LRRC7: variants seen among roughly 807,000 people sequenced by gnomAD.
LRRC7 encodes the protein leucine rich repeat containing 7.
LRRC7 carries 23 observed loss-of-function variants against 175.7 expected under a neutral mutation model. That is an observed-to-expected ratio of 0.13 (90% CI 0.09 to 0.19). The LOEUF (loss-of-function observed/expected upper bound fraction) is 0.19. Ranked by LOEUF, LRRC7 falls within the 10% of genes least tolerant of loss-of-function variation. LRRC7 has a pLI of 1.00. For missense variants in LRRC7, 1,354 were observed against 1,904.7 expected (o/e 0.71, Z 5.38); for synonymous variants, 685 against 680.9 (o/e 1.01, Z -0.09).
intron 1 of LRRC7, among the ~76,000 whole-genome samples, chr1:69,631,516 C>G (rs1224559272): frequency 6.6e-6 from 1 of 151,928 alleles, no homozygotes; most frequent in Non-Finnish European, 1.5e-5. Flanking sequence ...GGGTGATGTT[C>G]TAGTTTTGTT....
At chr1:69,782,770 A>G (rs974664303) in intron 3 of LRRC7, among the ~76,000 whole-genome samples, 4 of 152,218 alleles carry the variant, frequency 2.6e-5, no homozygotes, top group African/African-American at 9.6e-5. Context: ...TAGAAGGAAC[A>G]TGCCATCACT....
At chr1:69,833,023 G>A (rs777913811) in intron 5 of LRRC7, among the ~76,000 whole-genome samples, 4 of 150,242 alleles carry the variant, frequency 2.7e-5, no homozygotes, top group Non-Finnish European at 4.4e-5. Flanking sequence ...GAGAATCACT[G>A]TAACCTGGGA....
At chr1:69,940,852 C>T (rs544263914) in intron 8 of LRRC7, among the ~76,000 whole-genome samples, 7 of 151,882 alleles carry the variant, frequency 4.6e-5, no homozygotes, top group Non-Finnish European at 1.0e-4. Flanking sequence ...TGCCTAAAAT[C>T]GAATTAATAG....
intron 7 of LRRC7, among the ~76,000 whole-genome samples, chr1:69,905,819 T>C (rs1272157389): frequency 6.6e-6 from 1 of 152,220 alleles, no homozygotes; most frequent in African/African-American, 2.4e-5. Flanking sequence ...TCTAGATCCC[T>C]GAGGAATCAC....
intron 4 of LRRC7, among the ~76,000 whole-genome samples, chr1:69,804,086 GT>G (rs2101108246): frequency 6.6e-6 from 1 of 151,236 alleles, no homozygotes; most frequent in South Asian, 2.1e-4. Context: ...TTACTAAATT[GT>G]TTTCTGGTGC....
intron 4 of LRRC7, among the ~76,000 whole-genome samples, chr1:69,809,350 G>A (rs886957844): frequency 2.6e-5 from 4 of 152,282 alleles, no homozygotes; most frequent in Admixed American, 1.3e-4. Flanking sequence ...GAGGTAAAAA[G>A]AGTAGCTGGT....
In LRRC7 at chr1:69,885,923, A is replaced by G. The variant is rs377282436; in HGVS notation, c.648-45584A>G. Among the ~76,000 whole-genome samples, 38 of 102,536 alleles carry G rather than the reference A, an allele frequency of 3.7e-4. 6 individuals carry two copies. Among genetic ancestry groups the G allele is most frequent in the Admixed American group, 6.9e-4 (7 of 10,092 alleles). 67.3% of individuals were successfully genotyped at this position (102,536 alleles called of 152,430 possible). On this transcript the variant is annotated intron_variant, in intron 7 of 26. Transcript: ENST00000651989. ...TTGTTCAGTTTCCATGTAGTTGAGC[A>G]GTTTTGAGTGAGTTTGTTAGTCCTG...
intron 3 of LRRC7, among the ~76,000 whole-genome samples, chr1:69,777,595 C>T (rs896284147): frequency 5.9e-5 from 9 of 152,180 alleles, no homozygotes; most frequent in African/African-American, 2.2e-4. Flanking sequence ...TAATTTCCCC[C>T]TTGAAACCTA....
Position 70,038,663 on chromosome 1 carries a change from T to C in LRRC7, c.2839T>C (p.Phe947Leu), listed in dbSNP as rs1476287310. The change falls in exon 21 of 27, where the codon TTT (phenylalanine) becomes CTT (leucine). Residue 947 changes from phenylalanine to leucine, a missense_variant. Physicochemically the swap from Phe to Leu is conservative, Grantham distance 22 (BLOSUM62 0). Around this residue, in one of 4 missense-constraint regions of LRRC7, gnomAD observed 1,032 missense variants for 1,227.2 expected, o/e 0.84. Coordinates refer to ENST00000651989, the MANE Select transcript of LRRC7 (RefSeq NM_001370785.2). ...SNPNRSLSNV[F>L]SQIHCRPESS... ...TCCCAACAGGAGTCTTAGTAATGTC[T>C]TTTCTCAAATCCACTGCCGCCCGGA... 1 of 1,613,998 alleles carries C rather than the reference T, an allele frequency of 6.2e-7. No homozygotes were observed. The highest frequency in any genetic ancestry group is 8.5e-7 in the Non-Finnish European group (1 of 1,180,012).
At chr1:70,044,472 T>C (rs1660176878) in intron 22 of LRRC7, among the ~76,000 whole-genome samples, 1 of 152,160 alleles carries the variant, frequency 6.6e-6, no homozygotes, top group Non-Finnish European at 1.5e-5. Flanking sequence ...TGGTGATGCA[T>C]TCTGAGAACA....
chr1:69,598,203 A>G (rs1167321178), intron 1 of LRRC7, among the ~76,000 whole-genome samples: 2 of 152,086 alleles, frequency 1.3e-5, no homozygotes, highest in Non-Finnish European at 2.9e-5. Flanking sequence ...AGGGTCAGGT[A>G]ATGAAGCTTC....
intron 1 of LRRC7, among the ~76,000 whole-genome samples, chr1:69,633,557 T>C (rs1397697251): frequency 6.6e-6 from 1 of 152,010 alleles, no homozygotes; most frequent in African/African-American, 2.4e-5. Flanking sequence ...GCCTCCCAAG[T>C]AGGTGGTATA....
intron 2 of LRRC7, among the ~76,000 whole-genome samples, chr1:69,737,384 T>A (rs2007721): frequency 0.72 from 109,314 of 152,056 alleles, 39,663 homozygotes; most frequent in East Asian, 0.92. Flanking sequence ...TTTGCTCTAA[T>A]GATCCCTTGC....
At chr1:69,952,898 A>G (rs1360886914) in intron 8 of LRRC7, among the ~76,000 whole-genome samples, 2 of 150,486 alleles carry the variant, frequency 1.3e-5, no homozygotes, top group Non-Finnish European at 2.9e-5. Context: ...TTGAACTCCT[A>G]CTGTTTGCCA....
At chr1:69,855,701 G>T (rs910460972) in intron 7 of LRRC7, among the ~76,000 whole-genome samples, 4 of 152,026 alleles carry the variant, frequency 2.6e-5, no homozygotes, top group African/African-American at 4.8e-5. Context: ...CTGTCTCGTT[G>T]ATCTGTCTAA....
At chr1:69,576,183 G>C (rs1045001499) in intron 1 of LRRC7, among the ~76,000 whole-genome samples, 1 of 149,950 alleles carries the variant, frequency 6.7e-6, no homozygotes, top group Non-Finnish European at 1.5e-5. Context: ...AGTGAGTTGA[G>C]ATCACACTAC....
intron 10 of LRRC7, among the ~76,000 whole-genome samples, chr1:69,990,461 A>G (rs1324536690): frequency 6.6e-6 from 1 of 152,092 alleles, no homozygotes; most frequent in East Asian, 1.9e-4. Flanking sequence ...AAATTACTCA[A>G]TTTGGTAAAT....
intron 2 of LRRC7, among the ~76,000 whole-genome samples, chr1:69,728,807 A>G (rs1229668142): frequency 6.6e-6 from 1 of 152,212 alleles, no homozygotes; most frequent in Non-Finnish European, 1.5e-5. Context: ...AAATTGCTGA[A>G]GAGCATGCAC....
At chr1:69,724,396 A>G (rs1666705252) in intron 2 of LRRC7, among the ~76,000 whole-genome samples, 1 of 152,160 alleles carries the variant, frequency 6.6e-6, no homozygotes, top group Middle Eastern at 3.2e-3. Flanking sequence ...GGCTATTCAT[A>G]TGGAATATAA....
Sources: gnomAD v4.1 joint callset for allele counts (sites outside exome capture counted in the v4.1 genomes callset) on GRCh38, gnomAD v4.1.1 for gene constraint, gnomAD v4.1.1 regional missense constraint, MANE v1.5 for transcripts, NCBI Gene and HGNC (gene_info 2026-07-23, HGNC 2026-07-21) for gene names.